PHF21B: variants seen among roughly 807,000 people sequenced by gnomAD.
PHF21B encodes the protein PHD finger protein 21B, also known as PHD finger protein 4.
PHF21B carries 22 observed loss-of-function variants against 62.2 expected under a neutral mutation model. The ratio of observed to expected loss-of-function variants is 0.35; its 90% CI spans 0.25 to 0.51. The LOEUF (loss-of-function observed/expected upper bound fraction) is 0.51. PHF21B is among the 20% of genes least tolerant of loss of function. PHF21B has a pLI of 0.97. For synonymous variants in PHF21B, 341 were observed against 314.7 expected (o/e 1.08, Z -0.88); for missense variants, 701 against 707.9 (o/e 0.99, Z 0.11).
intron 5 of PHF21B, among the ~76,000 whole-genome samples, chr22:44,898,989 T>C (rs1042933371): frequency 6.6e-6 from 1 of 152,220 alleles, no homozygotes; most frequent in African/African-American, 2.4e-5. Flanking sequence ...ATTTTGTTCC[T>C]TAAATCTGCC....
intron 3 of PHF21B, among the ~76,000 whole-genome samples, chr22:44,918,544 C>T (rs972842218): frequency 1.3e-5 from 2 of 152,208 alleles, no homozygotes; most frequent in Non-Finnish European, 1.5e-5. Flanking sequence ...CTGTCCCCAC[C>T]CTCTCTCCTT....
At chr22:44,939,343 G>C (rs569730550) in intron 2 of PHF21B, among the ~76,000 whole-genome samples, 45 of 152,354 alleles carry the variant, frequency 3.0e-4, no homozygotes, top group Non-Finnish European at 5.4e-4. Flanking sequence ...ACACGTCTGA[G>C]CTCTGCCCCA....
chr22:44,914,171 G>A, intron 4 of PHF21B, 83 bp from the exon 5 acceptor site: 1 of 582,944 alleles, frequency 1.7e-6, no homozygotes, highest in Non-Finnish European at 3.1e-6. Context: ...ACAGGGCAGG[G>A]GTTGGGGAGC....
At chr22:44,933,734 GAGAC>G (rs10691766) in intron 2 of PHF21B, among the ~76,000 whole-genome samples, 4 of 148,884 alleles carry the variant, frequency 2.7e-5, no homozygotes, top group Non-Finnish European at 4.5e-5. Context: ...GAGAGAGAGA[GAGAC>G]AGACAGACAG....
At chr22:44,948,948 C>A (rs2072135228) in intron 2 of PHF21B, among the ~76,000 whole-genome samples, 1 of 152,304 alleles carries the variant, frequency 6.6e-6, no homozygotes, top group Middle Eastern at 3.4e-3. Context: ...GGTCACAGAT[C>A]CATTCCTTCC....
intron 2 of PHF21B, among the ~76,000 whole-genome samples, chr22:44,982,400 C>G (rs541074454): frequency 1.3e-5 from 2 of 152,218 alleles, no homozygotes; most frequent in East Asian, 3.9e-4. Context: ...CCCTGGGGAG[C>G]TGGCACTACC....
At chr22:44,888,198 A>G in intron 9 of PHF21B, 77 bp from the exon 10 acceptor site, 1 of 1,381,850 alleles carries the variant, frequency 7.2e-7, no homozygotes, top group Non-Finnish European at 9.5e-7. Flanking sequence ...GGCCAGGCCC[A>G]GGCAGCTGTG....
chr22:44,992,214 C>A (rs1369266232), intron 2 of PHF21B, among the ~76,000 whole-genome samples: 1 of 152,234 alleles, frequency 6.6e-6, no homozygotes, highest in East Asian at 1.9e-4. Context: ...CATGCCCCTG[C>A]CAGGGGAGGA....
intron 2 of PHF21B, chr22:45,002,101 T>C (rs2073231061): frequency 6.6e-6 from 1 of 152,238 alleles, no homozygotes; most frequent in South Asian, 2.1e-4. Flanking sequence ...TTAATTATTT[T>C]CCTGACTTCA....
At chr22:44,945,879 G>A (rs533976612) in intron 2 of PHF21B, among the ~76,000 whole-genome samples, 30 of 152,272 alleles carry the variant, frequency 2.0e-4, no homozygotes, top group Admixed American at 1.6e-3. Flanking sequence ...CAGGCAGTGA[G>A]ATGGGGAAGA....
At chr22:44,960,800 T>G (rs754341728) in intron 2 of PHF21B, among the ~76,000 whole-genome samples, 1 of 152,096 alleles carries the variant, frequency 6.6e-6, no homozygotes, top group Non-Finnish European at 1.5e-5. Context: ...CACCAGGGTT[T>G]TCTTGCCTTT....
intron 2 of PHF21B, among the ~76,000 whole-genome samples, chr22:45,007,604 G>A (rs1229844922): frequency 7.6e-4 from 106 of 139,976 alleles, no homozygotes; most frequent in East Asian, 2.5e-3. Context: ...GAGGGGCGCC[G>A]CCGCCCCCGT....
intron 5 of PHF21B, among the ~76,000 whole-genome samples, chr22:44,911,867 T>C (rs982531506): frequency 4.7e-5 from 7 of 149,670 alleles, no homozygotes; most frequent in African/African-American, 1.8e-4. Flanking sequence ...GCTCGTACTG[T>C]GCACCTGGAA....
chr22:44,913,016 C>T (rs1285150054), intron 5 of PHF21B, among the ~76,000 whole-genome samples: 2 of 151,978 alleles, frequency 1.3e-5, no homozygotes, highest in Non-Finnish European at 2.9e-5. Flanking sequence ...AGCTGCAGTA[C>T]ACCTGCTGCC....
intron 2 of PHF21B, among the ~76,000 whole-genome samples, chr22:44,942,136 C>T (rs1569242953): frequency 1.3e-5 from 2 of 152,224 alleles, no homozygotes; most frequent in Non-Finnish European, 2.9e-5. Flanking sequence ...CTGCCCTTGT[C>T]CCAGCACCAC....
intron 2 of PHF21B, among the ~76,000 whole-genome samples, chr22:44,983,373 G>T (rs1051602527): frequency 6.6e-6 from 1 of 152,148 alleles, no homozygotes; most frequent in Non-Finnish European, 1.5e-5. Flanking sequence ...GTGGCTCTTA[G>T]GGAGGTCCAG....
At chr22:44,952,408 G>A (rs1309224119) in intron 2 of PHF21B, among the ~76,000 whole-genome samples, 1 of 152,200 alleles carries the variant, frequency 6.6e-6, no homozygotes, top group East Asian at 1.9e-4. Flanking sequence ...GTTCACTGTG[G>A]CATGTTTCCA....
chr22:44,950,640 G>A (rs2072174580), intron 2 of PHF21B, among the ~76,000 whole-genome samples: 1 of 151,996 alleles, frequency 6.6e-6, no homozygotes, highest in Non-Finnish European at 1.5e-5. Context: ...TGGTCTCCAT[G>A]TGGCGAAGCG....
intron 2 of PHF21B, among the ~76,000 whole-genome samples, chr22:44,942,349 T>A (rs115151507): frequency 0.074 from 11,289 of 152,188 alleles, 490 homozygotes; most frequent in South Asian, 0.11. Context: ...GGGCACCCTC[T>A]GCCCGAGGAC....
Sources: gnomAD v4.1 joint callset for allele counts (sites outside exome capture counted in the v4.1 genomes callset) on GRCh38, gnomAD v4.1.1 for gene constraint, MANE v1.5 for transcripts, NCBI Gene and HGNC (gene_info 2026-07-23, HGNC 2026-07-21) for gene names.